The following HS3ST4 variants were observed in gnomAD, a reference collection of about 807,000 sequenced individuals.
HS3ST4 encodes the protein heparan sulfate glucosamine 3-O-sulfotransferase 4.
A neutral mutation model predicts 29.2 loss-of-function variants in HS3ST4; 17 were observed. That is an observed-to-expected ratio of 0.58 (90% CI 0.40 to 0.87). The LOEUF is 0.87. Among genes scored for constraint, HS3ST4 ranks in the 40% least tolerant of loss-of-function variants. The pLI, the probability that HS3ST4 is intolerant of heterozygous loss-of-function variation, is 0.00. For missense variants in HS3ST4, 627 were observed against 634.5 expected (o/e 0.99, Z 0.13); for synonymous variants, 314 against 285.7 (o/e 1.10, Z -1.00).
Position 26,011,514 on chromosome 16 carries a change from C to T in HS3ST4, c.735-124098C>T, listed in dbSNP as rs373691096. 6.1e-4 allele frequency among the ~76,000 whole-genome samples: 93 copies of T among 152,226 alleles called. 1 individual carries two copies. The South Asian group carries it at 0.017, about 29-fold the overall frequency. On this transcript the variant is annotated intron_variant, in intron 1 of 1. Coordinates refer to ENST00000331351, the MANE Select transcript of HS3ST4 (RefSeq NM_006040.3). ...TGCAGAAGTTGCAGTGAGCTGAGAT[C>T]GTGCCACTGCATGCCAGCCTGGGTG... is the stretch of plus-strand genomic sequence containing the variant.
intron 1 of HS3ST4, among the ~76,000 whole-genome samples, chr16:25,810,814 A>G (rs1967034525): frequency 6.6e-6 from 1 of 152,224 alleles, no homozygotes; most frequent in Non-Finnish European, 1.5e-5. Flanking sequence ...TAAATTATGC[A>G]TCACATAGTT....
chr16:25,783,474 T>A (rs1019261036), intron 1 of HS3ST4, among the ~76,000 whole-genome samples: 2 of 152,016 alleles, frequency 1.3e-5, no homozygotes, highest in Non-Finnish European at 2.9e-5. Flanking sequence ...AATTCTAGTT[T>A]TTTTTTTTTT....
chr16:26,005,571 G>C (rs1969250464), intron 1 of HS3ST4, among the ~76,000 whole-genome samples: 1 of 152,056 alleles, frequency 6.6e-6, no homozygotes, highest in Non-Finnish European at 1.5e-5. Context: ...TGAACGTTAA[G>C]CTGGATTTGC....
At chr16:26,115,172 A>G (rs1899184448) in intron 1 of HS3ST4, among the ~76,000 whole-genome samples, 2 of 147,962 alleles carry the variant, frequency 1.4e-5, no homozygotes, top group African/African-American at 4.9e-5. Flanking sequence ...ACTGACACTC[A>G]CCCAAAACAC....
At chr16:25,728,841 G>C (rs562797571) in intron 1 of HS3ST4, among the ~76,000 whole-genome samples, 18 of 152,172 alleles carry the variant, frequency 1.2e-4, no homozygotes, top group Non-Finnish European at 2.1e-4. Context: ...CCGACACTTT[G>C]GGAGGCCAAG....
intron 1 of HS3ST4, among the ~76,000 whole-genome samples, chr16:25,820,038 A>AAAAAAAAAAAAAAAAAAAAAC (rs1967133596): frequency 8.2e-6 from 1 of 122,278 alleles, no homozygotes; most frequent in Non-Finnish European, 1.7e-5. Flanking sequence ...AAAAAAAAAA[A>AAAAAAAAAAAAAAAAAAAAAC]AAAAAAAAAA....
intron 1 of HS3ST4, among the ~76,000 whole-genome samples, chr16:25,908,653 G>A (rs1968203680): frequency 6.6e-6 from 1 of 152,236 alleles, no homozygotes; most frequent in South Asian, 2.1e-4. Context: ...AAGGTCAAGT[G>A]TAGATAGCTG....
chr16:26,006,020 C>T (rs990216957), intron 1 of HS3ST4, among the ~76,000 whole-genome samples: 7 of 152,002 alleles, frequency 4.6e-5, no homozygotes, highest in African/African-American at 9.7e-5. Flanking sequence ...CTCAAGTGGC[C>T]GGGCATGGTG....
chr16:25,794,896 T>TACGC lies in HS3ST4; in HGVS notation c.734+101747_734+101748insGCAC, dbSNP rs113901542. ...TATGTGGTAAACCTTTACTCAAGAA[T>TACGC]ACACACACACACACACACACACACA... On this transcript the variant is annotated intron_variant, in intron 1 of 1. Transcript: ENST00000331351. Among the ~76,000 whole-genome samples, 789 of 136,704 alleles carry TACGC rather than the reference T, an allele frequency of 5.8e-3. 6 individuals carry two copies. The highest frequency in any genetic ancestry group is 0.014 in the African/African-American group (497 of 35,450). The allele number at this position is 136,704 out of a possible 152,430, so 89.7% of individuals were successfully genotyped here. A position where few individuals can be genotyped will look rare whatever the true frequency, so the allele number is the denominator to read the frequency against.
chr16:25,814,793 G>A (rs930578685), intron 1 of HS3ST4, among the ~76,000 whole-genome samples: 3 of 152,228 alleles, frequency 2.0e-5, no homozygotes, highest in African/African-American at 2.4e-5. Context: ...CTGCTGTATG[G>A]TTGTGGAGTA....
At chr16:25,766,216 A>G (rs1246807524) in intron 1 of HS3ST4, among the ~76,000 whole-genome samples, 2 of 151,582 alleles carry the variant, frequency 1.3e-5, no homozygotes, top group Non-Finnish European at 2.9e-5. Context: ...AACAAGGCCC[A>G]CCTCCCAGGG....
intron 1 of HS3ST4, among the ~76,000 whole-genome samples, chr16:25,784,140 A>T (rs1966855168): frequency 6.6e-6 from 1 of 152,224 alleles, no homozygotes. Context: ...CCTTGGCCAT[A>T]TAAGACAGCA....
intron 1 of HS3ST4, among the ~76,000 whole-genome samples, chr16:26,000,861 A>G (rs905678527): frequency 2.6e-5 from 4 of 152,204 alleles, no homozygotes; most frequent in African/African-American, 9.6e-5. Flanking sequence ...ATTAATTTGA[A>G]TCTAATCGTG....
chr16:25,739,375 G>A (rs183046703), intron 1 of HS3ST4, among the ~76,000 whole-genome samples: 49 of 147,078 alleles, frequency 3.3e-4, no homozygotes, highest in African/African-American at 1.3e-3. Flanking sequence ...ACAAATAAAC[G>A]AACAAAAAAA....
At chr16:26,098,630 T>C (rs1280110424) in intron 1 of HS3ST4, among the ~76,000 whole-genome samples, 1 of 151,908 alleles carries the variant, frequency 6.6e-6, no homozygotes, top group Non-Finnish European at 1.5e-5. Context: ...AAATACCTAA[T>C]GTAAATGACG....
rs1555467501 is a variant in HS3ST4 at position 25,827,546 on chromosome 16, A to AC, written c.734+134395_734+134396insC. On this transcript the variant is annotated intron_variant, in intron 1 of 1. Coordinates refer to ENST00000331351, the MANE Select transcript of HS3ST4 (RefSeq NM_006040.3). ...ATGCTGTCTTCACAAAAAAAAAAAAAACAACAACAAGCTTTTGGTTTCTAT... is the reference window on the plus strand; with the variant it reads ...ATGCTGTCTTCACAAAAAAAAAAAAACACAACAACAAGCTTTTGGTTTCTAT... Among the ~76,000 whole-genome samples, 332 of 134,160 alleles carry AC rather than the reference A, an allele frequency of 2.5e-3. 3 individuals are homozygous for AC. The highest frequency in any genetic ancestry group is 9.7e-3 in the African/African-American group (304 of 31,244). The allele number at this position is 134,160 out of a possible 152,430, so 88.0% of individuals were successfully genotyped here.
intron 1 of HS3ST4, among the ~76,000 whole-genome samples, chr16:26,031,217 G>A (rs1454154617): frequency 1.3e-5 from 2 of 152,096 alleles, no homozygotes; most frequent in South Asian, 2.1e-4. Context: ...GATAGCAAGA[G>A]TGAGCAGAGG....
chr16:25,699,514 A>T (rs1286532129), intron 1 of HS3ST4, among the ~76,000 whole-genome samples: 1 of 152,254 alleles, frequency 6.6e-6, no homozygotes, highest in Non-Finnish European at 1.5e-5. Context: ...GATTACGCTC[A>T]GTCGTATTAA....
intron 1 of HS3ST4, among the ~76,000 whole-genome samples, chr16:26,024,646 C>T (rs955952378): frequency 2.0e-5 from 3 of 152,076 alleles, no homozygotes; most frequent in Admixed American, 6.5e-5. Context: ...GCAGGAGAAT[C>T]GCATGAACCC....
Sources: allele counts gnomAD v4.1 joint callset (sites outside exome capture counted in the v4.1 genomes callset), GRCh38; gene constraint gnomAD v4.1.1; transcripts MANE v1.5; gene names NCBI Gene and HGNC (gene_info 2026-07-23, HGNC 2026-07-21).